The following LRRC8D variants were observed in gnomAD, a reference collection of about 807,000 sequenced individuals.
The protein encoded by LRRC8D is volume-regulated anion channel subunit LRRC8D.
Under a neutral mutation model 55.8 loss-of-function variants are expected in LRRC8D, and 20 were observed. The ratio of observed to expected loss-of-function variants is 0.36; its 90% CI spans 0.25 to 0.52. The LOEUF (loss-of-function observed/expected upper bound fraction) is 0.52. Among genes scored for constraint, LRRC8D ranks in the 20% least tolerant of loss-of-function variants. The pLI, the probability that LRRC8D is intolerant of heterozygous loss-of-function variation, is 0.93. For missense variants in LRRC8D, 651 were observed against 1,030.8 expected (o/e 0.63, Z 5.05); for synonymous variants, 352 against 377.0 (o/e 0.93, Z 0.77).
chr1:89,909,570 A>G (rs1025713240), intron 2 of LRRC8D, among the ~76,000 whole-genome samples: 12 of 152,114 alleles, frequency 7.9e-5, no homozygotes, highest in Non-Finnish European at 1.5e-4. Flanking sequence ...AAATAGAATT[A>G]TAAGAATTTA....
intron 2 of LRRC8D, among the ~76,000 whole-genome samples, chr1:89,844,464 G>A (rs1419288839): frequency 6.6e-6 from 1 of 152,204 alleles, no homozygotes; most frequent in South Asian, 2.1e-4. Context: ...TTAGTCTGGT[G>A]TCTGGCTTGT....
intron 2 of LRRC8D, among the ~76,000 whole-genome samples, chr1:89,879,574 C>A (rs1662230604): frequency 6.6e-6 from 1 of 152,056 alleles, no homozygotes; most frequent in East Asian, 1.9e-4. Context: ...GTTGTGTTAC[C>A]TTATGTATGA....
intron 2 of LRRC8D, among the ~76,000 whole-genome samples, chr1:89,924,310 T>C (rs1021180487): frequency 2.0e-5 from 3 of 151,934 alleles, no homozygotes; most frequent in Non-Finnish European, 4.4e-5. Flanking sequence ...CCAACAAATA[T>C]ATGAAAAAAT....
At chr1:89,908,524 G>A (rs72716346) in intron 2 of LRRC8D, among the ~76,000 whole-genome samples, 7,864 of 152,240 alleles carry the variant, frequency 0.052, 230 homozygotes, top group East Asian at 0.13. Flanking sequence ...TCTGTTGTGT[G>A]TTTAGGTCCT....
At chr1:89,881,641 A>G (rs1662285872) in intron 2 of LRRC8D, among the ~76,000 whole-genome samples, 1 of 152,198 alleles carries the variant, frequency 6.6e-6, no homozygotes, top group Non-Finnish European at 1.5e-5. Context: ...AAGTGTTTAT[A>G]GTAATAAGGC....
chr1:89,843,978 G>C (rs1258420806), intron 2 of LRRC8D, among the ~76,000 whole-genome samples, 196 bp downstream of exon 2: 1 of 152,242 alleles, frequency 6.6e-6, no homozygotes, highest in African/African-American at 2.4e-5. Flanking sequence ...AAGGCCCTGG[G>C]CGTGCGCTGC....
chr1:89,934,740 T>A lies in LRRC8D; in HGVS notation c.1672T>A (p.Leu558Met). 1 of 1,614,182 alleles carries A rather than the reference T, an allele frequency of 6.2e-7. No homozygotes were observed. The highest frequency in any genetic ancestry group is 8.5e-7 in the Non-Finnish European group (1 of 1,180,042). The change falls in exon 3 of 3, where the codon TTG (leucine) becomes ATG (methionine). Residue 558 changes from leucine to methionine, a missense_variant. This residue lies in a region of LRRC8D where 338 missense variants were observed against 479.4 expected (regional missense o/e 0.71). Transcript: ENST00000337338. This position sits in a 1 kb window ranked among gnomAD's most constrained non-coding sequence, Gnocchi z 5.9. Reference sequence around the variant, plus strand: ...GGCTGAAATTCCTGCCTGGGTGTATTTGCTCAAAAACCTTCGAGAGTTGTA... The same window carrying A: ...GGCTGAAATTCCTGCCTGGGTGTATATGCTCAAAAACCTTCGAGAGTTGTA... ...DVAEIPAWVYLLKNLRELYLI... is the reference protein window; with the variant it reads ...DVAEIPAWVYMLKNLRELYLI...
At chr1:89,825,686 A>ATT (rs757881430) in intron 1 of LRRC8D, among the ~76,000 whole-genome samples, 1 of 152,244 alleles carries the variant, frequency 6.6e-6, no homozygotes, top group Non-Finnish European at 1.5e-5. Context: ...CTTGCCGTTG[A>ATT]TGTAAGTTCA....
At chr1:89,850,213 T>C (rs1315025107) in intron 2 of LRRC8D, among the ~76,000 whole-genome samples, 1 of 152,224 alleles carries the variant, frequency 6.6e-6, no homozygotes, top group Non-Finnish European at 1.5e-5. Flanking sequence ...CTTTCTGAGA[T>C]CTCTATTTGG....
chr1:89,901,510 C>T (rs1662848363), intron 2 of LRRC8D, among the ~76,000 whole-genome samples: 1 of 152,206 alleles, frequency 6.6e-6, no homozygotes, highest in African/African-American at 2.4e-5. Context: ...CTCTGCCCCA[C>T]CCTTTCATTG....
chr1:89,914,035 G>A (rs1265280191), intron 2 of LRRC8D, among the ~76,000 whole-genome samples: 2 of 152,146 alleles, frequency 1.3e-5, no homozygotes, highest in Admixed American at 1.3e-4. Flanking sequence ...TCATCTCTTT[G>A]TACTCCAAAT....
At chr1:89,912,830 C>A (rs1398875796) in intron 2 of LRRC8D, among the ~76,000 whole-genome samples, 1 of 152,082 alleles carries the variant, frequency 6.6e-6, no homozygotes, top group Non-Finnish European at 1.5e-5. Flanking sequence ...TATTTATAAA[C>A]AAGGATGAAT....
chr1:89,825,763 C>G (rs1660747046), intron 1 of LRRC8D, among the ~76,000 whole-genome samples: 1 of 152,236 alleles, frequency 6.6e-6, no homozygotes, highest in African/African-American at 2.4e-5. Flanking sequence ...CAGATGTCTT[C>G]TGAAGCTGGC....
chr1:89,920,101 T>G (rs570591835), intron 2 of LRRC8D, among the ~76,000 whole-genome samples: 1 of 152,210 alleles, frequency 6.6e-6, no homozygotes, highest in Non-Finnish European at 1.5e-5. Context: ...GGGCCTTGAC[T>G]TTTAGAATTG....
intron 2 of LRRC8D, among the ~76,000 whole-genome samples, chr1:89,912,888 G>GT: frequency 6.6e-6 from 1 of 152,298 alleles, no homozygotes; most frequent in South Asian, 2.1e-4. Flanking sequence ...TTTAAGAGGT[G>GT]TTTTTTAGTA....
chr1:89,914,784 C>A (rs1380513100), intron 2 of LRRC8D, among the ~76,000 whole-genome samples: 1 of 151,190 alleles, frequency 6.6e-6, no homozygotes. Flanking sequence ...TACTATGTTC[C>A]CAGGCTAGTC....
intron 2 of LRRC8D, among the ~76,000 whole-genome samples, chr1:89,877,230 CTCTT>C (rs1366262819): frequency 2.7e-5 from 4 of 148,624 alleles, no homozygotes; most frequent in African/African-American, 9.9e-5. Context: ...CTCTCTCTCT[CTCTT>C]TTTTTTTTTT....
intron 1 of LRRC8D, among the ~76,000 whole-genome samples, chr1:89,837,374 C>T (rs1661025223): frequency 6.6e-6 from 1 of 152,164 alleles, no homozygotes; most frequent in Admixed American, 6.5e-5. Context: ...GCCCCTCACC[C>T]CACTCCTCCC....
At chr1:89,895,696 T>TA (rs1437320652) in intron 2 of LRRC8D, among the ~76,000 whole-genome samples, 1 of 152,204 alleles carries the variant, frequency 6.6e-6, no homozygotes, top group Admixed American at 6.5e-5. Flanking sequence ...ACGTTGAACT[T>TA]CTGTAAGCTA....
Sources: gnomAD v4.1 joint callset for allele counts (sites outside exome capture counted in the v4.1 genomes callset) on GRCh38, gnomAD v4.1.1 for gene constraint, gnomAD v4.1.1 regional missense constraint, Gnocchi (gnomAD v3.1) non-coding constraint, MANE v1.5 for transcripts, NCBI Gene and HGNC (gene_info 2026-07-23, HGNC 2026-07-21) for gene names.